NCKAP5: variants seen among roughly 807,000 people sequenced by gnomAD.
NCKAP5 encodes nck-associated protein 5.
A neutral mutation model predicts 167.0 loss-of-function variants in NCKAP5; 92 were observed. The ratio of observed to expected loss-of-function variants is 0.55; its 90% confidence interval spans 0.47 to 0.66. The LOEUF (loss-of-function observed/expected upper bound fraction) is 0.66. NCKAP5 is among the 30% of genes least tolerant of loss of function. NCKAP5 has a pLI of 0.00. For missense variants in NCKAP5, 2,378 were observed against 2,315.0 expected, an observed-to-expected ratio of 1.03 and a Z score of -0.56; for synonymous variants, 891 against 877.4, an observed-to-expected ratio of 1.02 and a Z score of -0.27.
At chr2:132,724,970 GA>G (rs1325325802) in intron 19 of NCKAP5, among the ~76,000 whole-genome samples, 1 of 152,040 alleles carries the variant, frequency 6.6e-6, no homozygotes, top group South Asian at 2.1e-4. Context: ...TGATTAGTAG[GA>G]AAAGAATAGC....
chr2:133,562,260 GT>G (rs1462323328), intron 1 of NCKAP5, among the ~76,000 whole-genome samples: 1 of 151,914 alleles, frequency 6.6e-6, no homozygotes, highest in Non-Finnish European at 1.5e-5. Context: ...CATACTCAAT[GT>G]TTATATATAT....
chr2:132,911,029 T>G (rs11893302), intron 8 of NCKAP5: 22,460 of 186,766 alleles, frequency 0.12, 2,622 homozygotes, highest in Admixed American at 0.3. Flanking sequence ...CCATGTTGTC[T>G]TCTGACCGAC....
chr2:133,590,901 G>A, the NCKAP5 span, among the ~76,000 whole-genome samples: 1 of 131,730 alleles, frequency 7.6e-6, no homozygotes, highest in Non-Finnish European at 1.6e-5. Context: ...CTGTCTGTGT[G>A]TGTGTTTGTG....
the NCKAP5 span, among the ~76,000 whole-genome samples, chr2:133,649,842 A>G: frequency 6.6e-6 from 1 of 152,178 alleles, no homozygotes; most frequent in Non-Finnish European, 1.5e-5. Flanking sequence ...TATTTAACTT[A>G]GTACTAGCCA....
chr2:132,707,575 A>G (rs897274709), intron 19 of NCKAP5, among the ~76,000 whole-genome samples: 6 of 152,136 alleles, frequency 3.9e-5, no homozygotes, highest in Non-Finnish European at 7.4e-5. Context: ...CCCAGGACCA[A>G]TGCCTTTCAC....
At chr2:132,803,545 C>A (rs1039833884) in intron 11 of NCKAP5, among the ~76,000 whole-genome samples, 2 of 152,198 alleles carry the variant, frequency 1.3e-5, no homozygotes, top group Admixed American at 6.5e-5. Context: ...AAGGGAGCAG[C>A]ATTTGGTTTG....
intron 2 of NCKAP5, among the ~76,000 whole-genome samples, chr2:133,545,934 T>A (rs1686624437): frequency 6.6e-6 from 1 of 152,214 alleles, no homozygotes; most frequent in African/African-American, 2.4e-5. Flanking sequence ...AAAAATGCCC[T>A]GAAATTATTT....
At chr2:132,732,153 T>A in intron 16 of NCKAP5, 102 bp from the exon 17 acceptor site, 1 of 1,118,626 alleles carries the variant, frequency 8.9e-7, no homozygotes, top group Non-Finnish European at 1.2e-6. Flanking sequence ...AGGAGACACC[T>A]AGAAGGGTGA....
the NCKAP5 span, among the ~76,000 whole-genome samples, chr2:133,575,931 C>T: frequency 6.6e-6 from 1 of 152,222 alleles, no homozygotes; most frequent in Non-Finnish European, 1.5e-5. Context: ...ACTCTCACTC[C>T]AAGCCAGACT....
chr2:133,184,602 T>C (rs1327610439), intron 5 of NCKAP5, among the ~76,000 whole-genome samples: 6 of 152,148 alleles, frequency 3.9e-5, no homozygotes, highest in Admixed American at 3.3e-4. Context: ...AAGTGTTCCC[T>C]TTTCTCAACA....
chr2:133,432,623 C>T (rs1223354526), intron 3 of NCKAP5, among the ~76,000 whole-genome samples: 1 of 152,166 alleles, frequency 6.6e-6, no homozygotes, highest in African/African-American at 2.4e-5. Flanking sequence ...AAATACCTGG[C>T]CGTCAGGGTA....
intron 12 of NCKAP5, among the ~76,000 whole-genome samples, chr2:132,793,851 T>C (rs1684272064): frequency 6.6e-6 from 1 of 152,210 alleles, no homozygotes; most frequent in South Asian, 2.1e-4. Flanking sequence ...GGAAAATCAA[T>C]GTTTGAATTT....
rs116384364 is a variant in NCKAP5, at chr2:133,110,888, C to T, written c.341+19090G>A. Among the ~76,000 whole-genome samples the T allele has an allele frequency of 5.2e-3, 794 of 152,274 alleles. 1 individual carries two copies. The highest frequency in any genetic ancestry group is 0.018 in the African/African-American group (749 of 41,554). On this transcript the variant is annotated intron_variant, in intron 6 of 19. Coordinates refer to ENST00000409261, the MANE Select transcript of NCKAP5 (RefSeq NM_207363.3). The stretch of plus-strand genomic sequence containing the variant: ...AGCAAGGTGCCGTCGTTGCTGGGAT[C>T]TGGGGAAGCCTCTCTTCCCGGCTTA...
chr2:133,040,115 C>G (rs1406113972), intron 6 of NCKAP5, among the ~76,000 whole-genome samples: 1 of 151,952 alleles, frequency 6.6e-6, no homozygotes, highest in East Asian at 1.9e-4. Flanking sequence ...AGAAGCACAT[C>G]TAGCATGCCT....
chr2:132,743,651 A>G (rs1307503749), intron 16 of NCKAP5, among the ~76,000 whole-genome samples: 1 of 151,762 alleles, frequency 6.6e-6, no homozygotes, highest in African/African-American at 2.4e-5. Context: ...CAGAAAATAA[A>G]TAATTATATG....
the NCKAP5 span, among the ~76,000 whole-genome samples, chr2:133,582,778 T>G: frequency 1.7e-4 from 26 of 152,258 alleles, no homozygotes; most frequent in African/African-American, 5.1e-4. Context: ...TCCAGTTTCC[T>G]GGTCCAGTCA....
At position 133,367,584 on chromosome 2, in the gene NCKAP5, G is replaced by A. The variant is rs191957129; in HGVS notation, c.70-64474C>T. 2.8e-3 allele frequency among the ~76,000 whole-genome samples: 423 copies of A among 152,204 alleles called. 3 individuals carry two copies. Among genetic ancestry groups the A allele is most frequent in the African/African-American group, 9.6e-3 (397 of 41,506 alleles). On this transcript the variant is annotated intron_variant, in intron 3 of 19. Transcript: ENST00000409261. ...TTATAGATCACATAAGTCTGGAACA[G>A]GACTGCCATCTCTTATTCAAACCCC...
At chr2:133,429,372 T>G (rs1375519835) in intron 3 of NCKAP5, among the ~76,000 whole-genome samples, 1 of 152,066 alleles carries the variant, frequency 6.6e-6, no homozygotes, top group Middle Eastern at 3.2e-3. Flanking sequence ...TGTGTGGTGC[T>G]GAGGTTTGAG....
chr2:133,039,258 G>A (rs1006350361), intron 6 of NCKAP5, among the ~76,000 whole-genome samples: 21 of 152,188 alleles, frequency 1.4e-4, no homozygotes, highest in African/African-American at 4.1e-4. Flanking sequence ...AGGTGAAACC[G>A]ATATTACTGA....
Sources: gnomAD v4.1 joint callset for allele counts (sites outside exome capture counted in the v4.1 genomes callset) on GRCh38, gnomAD v4.1.1 for gene constraint, MANE v1.5 for transcripts, NCBI Gene and HGNC (gene_info 2026-07-23, HGNC 2026-07-21) for gene names.